Variants in RIT2 observed in about 807,000 individuals in gnomAD.
The protein encoded by RIT2 is Ras like without CAAX 2.
A neutral mutation model predicts 23.7 loss-of-function variants in RIT2; 24 were observed. The observed-to-expected ratio is 1.01, with a 90% CI of 0.73 to 1.43. The LOEUF (loss-of-function observed/expected upper bound fraction) is 1.43. Among genes scored for constraint, RIT2 ranks in the 40% most tolerant of loss-of-function variants. The pLI is 0.00. For synonymous variants in RIT2, 107 were observed against 91.1 expected (o/e 1.17, Z -0.99); for missense variants, 236 against 266.9 (o/e 0.88, Z 0.81).
At chr18:42,871,191 A>G (rs560106796) in intron 4 of RIT2, among the ~76,000 whole-genome samples, 2 of 152,242 alleles carry the variant, frequency 1.3e-5, no homozygotes, top group Admixed American at 6.5e-5. Context: ...AACTCTCTTA[A>G]CCCTGTTGCA....
chr18:42,989,130 T>G (rs1008623670), intron 2 of RIT2, among the ~76,000 whole-genome samples: 4 of 152,194 alleles, frequency 2.6e-5, no homozygotes, highest in African/African-American at 9.6e-5. Flanking sequence ...CCTTAATTTG[T>G]CAGCTTCTCT....
intron 4 of RIT2, among the ~76,000 whole-genome samples, chr18:42,815,600 T>C (rs986265303): frequency 6.6e-6 from 1 of 152,168 alleles, no homozygotes; most frequent in African/African-American, 2.4e-5. Flanking sequence ...GTATGCAGAA[T>C]TGAGACAATT....
At chr18:43,077,723 C>T (rs918611021) in intron 1 of RIT2, among the ~76,000 whole-genome samples, 3 of 152,140 alleles carry the variant, frequency 2.0e-5, no homozygotes, top group Admixed American at 1.3e-4. Context: ...AGCTATTGTG[C>T]CCACCACCTG....
At chr18:42,907,694 A>G (rs963109912) in intron 4 of RIT2, among the ~76,000 whole-genome samples, 4 of 152,150 alleles carry the variant, frequency 2.6e-5, no homozygotes, top group Non-Finnish European at 5.9e-5. Flanking sequence ...TCTGTTAAAG[A>G]TTTTAGCCAG....
intron 1 of RIT2, among the ~76,000 whole-genome samples, chr18:43,095,661 C>T (rs1321300708): frequency 6.6e-6 from 1 of 151,810 alleles, no homozygotes; most frequent in Non-Finnish European, 1.5e-5. Context: ...AGACAAATGG[C>T]ATAGGATTAT....
chr18:42,845,847 A>C (rs1482732627), intron 4 of RIT2, among the ~76,000 whole-genome samples: 1 of 151,904 alleles, frequency 6.6e-6, no homozygotes, highest in African/African-American at 2.4e-5. Context: ...AAATACTTTC[A>C]AATATTTAGA....
intron 1 of RIT2, among the ~76,000 whole-genome samples, chr18:43,111,343 A>G (rs1417540069): frequency 1.3e-5 from 2 of 152,150 alleles, no homozygotes; most frequent in Non-Finnish European, 2.9e-5. Context: ...TGGGTACAAA[A>G]TTGTGGTTAG....
intron 4 of RIT2, among the ~76,000 whole-genome samples, chr18:42,915,365 G>A (rs1908880328): frequency 6.6e-6 from 1 of 151,938 alleles, no homozygotes; most frequent in African/African-American, 2.4e-5. Context: ...TTTCCTTTTT[G>A]GCACCTTTTT....
At chr18:43,054,529 A>T (rs976591370) in intron 1 of RIT2, among the ~76,000 whole-genome samples, 4 of 152,084 alleles carry the variant, frequency 2.6e-5, no homozygotes, top group Non-Finnish European at 4.4e-5. Context: ...AGTAATGACT[A>T]TGGAGGAGAC....
intron 1 of RIT2, among the ~76,000 whole-genome samples, chr18:43,100,126 C>T (rs1913647923): frequency 6.6e-6 from 1 of 151,910 alleles, no homozygotes; most frequent in African/African-American, 2.4e-5. Context: ...AAAAGTGGAC[C>T]AAAGAAACGG....
At chr18:43,082,816 A>G (rs1185196252) in intron 1 of RIT2, among the ~76,000 whole-genome samples, 1 of 152,118 alleles carries the variant, frequency 6.6e-6, no homozygotes. Context: ...CTTTGAAAAC[A>G]GGCACAAGAC....
Position 42,800,797 on chromosome 18 carries a change from C to T in RIT2, c.427-57077G>A, listed in dbSNP as rs191605455. Among the ~76,000 whole-genome samples, 798 of 152,238 alleles carry T rather than the reference C, an allele frequency of 5.2e-3. 8 individuals are homozygous for T. The highest frequency in any genetic ancestry group is 0.031 in the Middle Eastern group (9 of 294). On this transcript the variant is annotated intron_variant, in intron 4 of 4. Transcript: ENST00000326695. ...CCGCCCGCCTCGGCCTCCCAGAGTGCTGGGATTACAGGTGTGAGCCACCGC... is the reference window on the plus strand; with the variant it reads ...CCGCCCGCCTCGGCCTCCCAGAGTGTTGGGATTACAGGTGTGAGCCACCGC...
At chr18:42,770,304 C>G (rs935678940) in intron 4 of RIT2, among the ~76,000 whole-genome samples, 1 of 152,206 alleles carries the variant, frequency 6.6e-6, no homozygotes, top group African/African-American at 2.4e-5. Flanking sequence ...GTCACAACGA[C>G]CTAGAGGCAT....
intron 1 of RIT2, among the ~76,000 whole-genome samples, chr18:43,040,791 G>T (rs1912109755): frequency 6.6e-6 from 1 of 151,814 alleles, no homozygotes; most frequent in Admixed American, 6.6e-5. Context: ...AATGTCAAAT[G>T]AAGGAAAATG....
chr18:42,884,599 T>C (rs1907974444), intron 4 of RIT2, among the ~76,000 whole-genome samples: 1 of 152,172 alleles, frequency 6.6e-6, no homozygotes, highest in Non-Finnish European at 1.5e-5. Context: ...AGGTGTTTGT[T>C]TGAACTTACT....
intron 2 of RIT2, among the ~76,000 whole-genome samples, chr18:43,017,876 A>G (rs372160578): frequency 2.0e-5 from 3 of 152,044 alleles, no homozygotes; most frequent in African/African-American, 7.2e-5. Context: ...AGGGCTGGCC[A>G]TTAGTTTTAG....
chr18:42,818,675 T>C (rs960875028), intron 4 of RIT2, among the ~76,000 whole-genome samples: 1 of 152,058 alleles, frequency 6.6e-6, no homozygotes, highest in African/African-American at 2.4e-5. Flanking sequence ...ACTGTACGCA[T>C]GCTACTGACT....
In RIT2 at chr18:43,033,002, A is replaced by G. The variant is rs866455328; in HGVS notation, c.160+809T>C. Among the ~76,000 whole-genome samples the G allele has an allele frequency of 3.9e-5, 6 of 152,134 alleles. No homozygotes were observed. The South Asian group carries it at 1.2e-3, about 31-fold the overall frequency. On this transcript the variant is annotated intron_variant, in intron 2 of 4. Coordinates refer to ENST00000326695, the MANE Select transcript of RIT2 (RefSeq NM_002930.4). The stretch of plus-strand genomic sequence containing the variant: ...GTAAGTAATGGGGAGTGGTTAAAGG[A>G]GCTCACCATCCAGGCAACCAGTCAG...
chr18:43,091,306 T>C (rs938641685), intron 1 of RIT2, among the ~76,000 whole-genome samples: 2 of 152,096 alleles, frequency 1.3e-5, no homozygotes, highest in South Asian at 2.1e-4. Context: ...TTGTAGAGAT[T>C]AGACAACAAA....
Sources: allele counts gnomAD v4.1 joint callset (sites outside exome capture counted in the v4.1 genomes callset), GRCh38; gene constraint gnomAD v4.1.1; transcripts MANE v1.5; gene names NCBI Gene and HGNC (gene_info 2026-07-23, HGNC 2026-07-21).